Variants in CTNND2 observed in about 807,000 individuals in gnomAD.
CTNND2 encodes catenin delta-2.
In CTNND2, 22 loss-of-function variants were observed where a neutral mutation model predicts 144.4. The ratio of observed to expected loss-of-function variants is 0.15; its 90% CI spans 0.11 to 0.22. CTNND2 has a LOEUF of 0.22. Among genes scored for constraint, CTNND2 ranks in the 10% least tolerant of loss-of-function variants. The pLI, the probability that CTNND2 is intolerant of heterozygous loss-of-function variation, is 1.00. For missense variants in CTNND2, 1,353 were observed against 1,618.8 expected, an observed-to-expected ratio of 0.84 and a Z score of 2.82; for synonymous variants, 751 against 695.6, an observed-to-expected ratio of 1.08 and a Z score of -1.25.
intron 2 of CTNND2, among the ~76,000 whole-genome samples, chr5:11,694,231 C>CG (rs1561701633): frequency 5.3e-5 from 8 of 151,862 alleles, no homozygotes; most frequent in African/African-American, 1.9e-4. Flanking sequence ...GTCAGGAGAT[C>CG]AAGACCATCC....
intron 7 of CTNND2, among the ~76,000 whole-genome samples, chr5:11,370,687 T>A (rs1268749983): frequency 6.6e-6 from 1 of 152,222 alleles, no homozygotes; most frequent in East Asian, 1.9e-4. Context: ...TTTTCCATGT[T>A]TTCATTTTGC....
intron 17 of CTNND2, among the ~76,000 whole-genome samples, 165 bp from the exon 18 acceptor site, chr5:11,018,223 G>A (rs988085385): frequency 1.3e-5 from 2 of 152,004 alleles, no homozygotes; most frequent in East Asian, 1.9e-4. Context: ...GGAGCACCAC[G>A]AACTGCACCC....
chr5:11,724,936 T>C lies in CTNND2; in HGVS notation c.174+7200A>G, dbSNP rs1786923797. On this transcript the variant is annotated intron_variant, in intron 2 of 21. Coordinates refer to ENST00000304623, the MANE Select transcript of CTNND2 (RefSeq NM_001332.4). ...GATTTTTTTTTTTGCCTTATTGATA[T>C]TGAGTTGTTCTTTCTCACAGTAATT... Among the ~76,000 whole-genome samples, 3 of 152,110 alleles carry C rather than the reference T, an allele frequency of 2.0e-5. No individual in the cohort carries two copies. The Middle Eastern group carries it at 0.01, about 517-fold the overall frequency.
intron 1 of CTNND2, among the ~76,000 whole-genome samples, chr5:11,887,808 A>G (rs1282583351): frequency 1.3e-5 from 2 of 152,110 alleles, no homozygotes; most frequent in Non-Finnish European, 2.9e-5. Context: ...CTTGTTTTTG[A>G]TGCCTTTGAC....
At chr5:11,585,501 T>TATCTATCTATCTATC (rs1198729562) in intron 2 of CTNND2, among the ~76,000 whole-genome samples, 3 of 151,886 alleles carry the variant, frequency 2.0e-5, no homozygotes, top group Middle Eastern at 3.4e-3. Context: ...TCTATCTATC[T>TATCTATCTATCTATC]ATCTATCTAT....
intron 3 of CTNND2, among the ~76,000 whole-genome samples, chr5:11,518,741 C>A (rs1266368788): frequency 1.3e-5 from 2 of 152,126 alleles, no homozygotes; most frequent in Admixed American, 6.5e-5. Context: ...AATACAGTAA[C>A]CTGCTGTACA....
At chr5:11,712,367 C>T (rs1393024695) in intron 2 of CTNND2, among the ~76,000 whole-genome samples, 1 of 152,058 alleles carries the variant, frequency 6.6e-6, no homozygotes, top group Non-Finnish European at 1.5e-5. Flanking sequence ...CAAAGTACCT[C>T]TCAGCAACTT....
intron 2 of CTNND2, among the ~76,000 whole-genome samples, chr5:11,717,127 C>CA (rs1428236927): frequency 1.3e-5 from 2 of 151,988 alleles, no homozygotes; most frequent in South Asian, 2.1e-4. Flanking sequence ...CTCAGCCTCC[C>CA]AAAGTGCTGG....
At chr5:11,049,989 T>C (rs1745667389) in intron 16 of CTNND2, among the ~76,000 whole-genome samples, 1 of 152,206 alleles carries the variant, frequency 6.6e-6, no homozygotes, top group Non-Finnish European at 1.5e-5. Context: ...GCCCAACCAA[T>C]TTCAGTGAAG....
intron 12 of CTNND2, among the ~76,000 whole-genome samples, chr5:11,138,072 T>C (rs550820239): frequency 6.6e-6 from 1 of 152,358 alleles, no homozygotes; most frequent in African/African-American, 2.4e-5. Context: ...TAGTTTGTTA[T>C]GGTTGTAGGA....
At chr5:11,291,438 A>T (rs1047955536) in intron 9 of CTNND2, among the ~76,000 whole-genome samples, 1 of 152,022 alleles carries the variant, frequency 6.6e-6, no homozygotes. Flanking sequence ...ACATGAAGTA[A>T]ATCATTTTCC....
intron 3 of CTNND2, among the ~76,000 whole-genome samples, chr5:11,427,422 C>T (rs976150186): frequency 2.0e-5 from 3 of 151,738 alleles, no homozygotes; most frequent in South Asian, 2.1e-4. Flanking sequence ...GGACTACAGG[C>T]GTGCACTGCC....
intron 1 of CTNND2, among the ~76,000 whole-genome samples, chr5:11,773,869 A>C (rs1790091067): frequency 6.6e-6 from 1 of 152,104 alleles, no homozygotes; most frequent in Non-Finnish European, 1.5e-5. Flanking sequence ...AATCAATTTT[A>C]AAAGGAAATC....
chr5:11,030,752 C>CTTTTTTTTTTT (rs1743363574), intron 16 of CTNND2, among the ~76,000 whole-genome samples: 1 of 87,154 alleles, frequency 1.1e-5, no homozygotes, highest in Non-Finnish European at 2.5e-5. Flanking sequence ...GCTATGGTTT[C>CTTTTTTTTTTT]TGTTTTTTTT....
intron 6 of CTNND2, among the ~76,000 whole-genome samples, chr5:11,386,260 G>C (rs1759079113): frequency 6.6e-6 from 1 of 152,178 alleles, no homozygotes; most frequent in Non-Finnish European, 1.5e-5. Flanking sequence ...GAGTAGGATT[G>C]TACACAGAGT....
intron 1 of CTNND2, among the ~76,000 whole-genome samples, chr5:11,796,307 T>G (rs1198258986): frequency 6.6e-6 from 1 of 152,218 alleles, no homozygotes; most frequent in Non-Finnish European, 1.5e-5. Context: ...TTCCACGAAC[T>G]ACACTGATGC....
Position 11,246,139 on chromosome 5 carries a change from G to T in CTNND2, c.1629-9316C>A, listed in dbSNP as rs375737736. Among the ~76,000 whole-genome samples, 16 of 152,300 alleles carry T rather than the reference G, an allele frequency of 1.1e-4. No homozygotes were observed. In the East Asian group the frequency reaches 2.5e-3, roughly 24 times the overall value. On this transcript the variant is annotated intron_variant, in intron 9 of 21. Transcript: ENST00000304623. ...GAATACAGTGTTGAATGGAGCAAAG[G>T]TTCCTATTCTTGGGGAGCTGACTTT...
At chr5:11,754,341 T>A (rs1302092802) in intron 1 of CTNND2, among the ~76,000 whole-genome samples, 1 of 151,526 alleles carries the variant, frequency 6.6e-6, no homozygotes, top group Non-Finnish European at 1.5e-5. Flanking sequence ...TAACAATGTT[T>A]TAGGTAGGTC....
chr5:11,447,689 G>A (rs777728804), intron 3 of CTNND2, among the ~76,000 whole-genome samples: 29 of 152,116 alleles, frequency 1.9e-4, no homozygotes, highest in Non-Finnish European at 2.6e-4. Flanking sequence ...CCCTGAGGGC[G>A]GATGGGGGCT....
Sources: allele counts gnomAD v4.1 joint callset (sites outside exome capture counted in the v4.1 genomes callset), GRCh38; gene constraint gnomAD v4.1.1; transcripts MANE v1.5; gene names NCBI Gene and HGNC (gene_info 2026-07-23, HGNC 2026-07-21).